Variants in ARHGEF28 observed in about 807,000 individuals in gnomAD.
ARHGEF28 encodes 190 kDa guanine nucleotide exchange factor.
In ARHGEF28, 152 loss-of-function variants were observed where a neutral mutation model predicts 206.6. The ratio of observed to expected loss-of-function variants is 0.74; its 90% CI spans 0.64 to 0.84. The LOEUF is 0.84. Among genes scored for constraint, ARHGEF28 ranks in the 40% least tolerant of loss-of-function variants. ARHGEF28 has a pLI of 0.00. For missense variants in ARHGEF28, 2,028 were observed against 2,073.2 expected (o/e 0.98, Z 0.42); for synonymous variants, 763 against 776.4 (o/e 0.98, Z 0.29).
chr5:73,807,231 C>A (rs1184756614), intron 9 of ARHGEF28, among the ~76,000 whole-genome samples: 1 of 151,984 alleles, frequency 6.6e-6, no homozygotes, highest in African/African-American at 2.4e-5. Context: ...ACCTCCAGGG[C>A]CCCTCACATC....
At chr5:73,786,448 T>TA (rs1754167679) in intron 7 of ARHGEF28, 1 of 152,232 alleles carries the variant, frequency 6.6e-6, no homozygotes, top group Non-Finnish European at 1.5e-5. Context: ...ACTGCTCGTC[T>TA]AGAGTTCTCT....
chr5:73,918,377 C>CTT (rs745918739), intron 35 of ARHGEF28, among the ~76,000 whole-genome samples: 10 of 150,314 alleles, frequency 6.7e-5, no homozygotes, highest in Admixed American at 2.0e-4. Context: ...GGTTTCCAAA[C>CTT]TTTCTTTTCC....
chr5:73,700,362 T>C (rs946257793), intron 2 of ARHGEF28, among the ~76,000 whole-genome samples: 2 of 152,220 alleles, frequency 1.3e-5, no homozygotes, highest in Admixed American at 1.3e-4. Context: ...ACTTTTCTAC[T>C]GTTTGAATTT....
chr5:73,813,926 AAG>A (rs957796181), intron 9 of ARHGEF28, among the ~76,000 whole-genome samples: 7 of 151,798 alleles, frequency 4.6e-5, no homozygotes, highest in Non-Finnish European at 8.8e-5. Flanking sequence ...AAAAAAAAAA[AAG>A]AAGGGAGTTT....
intron 2 of ARHGEF28, among the ~76,000 whole-genome samples, chr5:73,727,088 G>A (rs1002632664): frequency 1.3e-5 from 2 of 152,028 alleles, no homozygotes; most frequent in African/African-American, 4.8e-5. Flanking sequence ...TTCATTACCT[G>A]TCCTCATGTC....
intron 9 of ARHGEF28, among the ~76,000 whole-genome samples, chr5:73,815,565 A>C (rs1756152352): frequency 6.6e-6 from 1 of 152,094 alleles, no homozygotes; most frequent in Admixed American, 6.5e-5. Flanking sequence ...AACCCAGTTA[A>C]ATTTGGGTTG....
intron 2 of ARHGEF28, among the ~76,000 whole-genome samples, chr5:73,727,224 A>G (rs1750323457): frequency 6.6e-6 from 1 of 152,204 alleles, no homozygotes. Context: ...AACTGTGGGA[A>G]TACTAAGAAG....
Position 73,791,009 on chromosome 5 carries a change from G to A in ARHGEF28, c.911-3393G>A, listed in dbSNP as rs367643175. ...AGTTCAGAAGTTGTGATAAAATAGC[G>A]CCAGTATTGGAAGTGTTTCAATTAG... On this transcript the variant is annotated intron_variant, in intron 7 of 35. Coordinates refer to ENST00000513042, the MANE Select transcript of ARHGEF28 (RefSeq NM_001177693.2). 2.9e-4 allele frequency among the ~76,000 whole-genome samples: 44 copies of A among 152,284 alleles called. No homozygotes were observed. The South Asian group carries it at 9.1e-3, about 32-fold the overall frequency.
chr5:73,828,965 T>C (rs1424361040), intron 9 of ARHGEF28, among the ~76,000 whole-genome samples: 1 of 151,934 alleles, frequency 6.6e-6, no homozygotes, highest in African/African-American at 2.4e-5. Flanking sequence ...GGACTACAGG[T>C]GTGCACCACC....
chr5:73,940,512 A>G (rs948178028), intron 35 of ARHGEF28, among the ~76,000 whole-genome samples: 2 of 152,208 alleles, frequency 1.3e-5, no homozygotes, highest in African/African-American at 4.8e-5. Context: ...TGATTTACAC[A>G]TAGCTGGAGT....
chr5:73,873,312 T>C (rs1760229215), intron 22 of ARHGEF28, 66 bp downstream of exon 22: 1 of 1,517,062 alleles, frequency 6.6e-7, no homozygotes, highest in African/African-American at 1.4e-5. Context: ...ATCTGCCCTT[T>C]CATCAACAAG....
In ARHGEF28 at chr5:73,753,059, C is replaced by G. The variant is rs747410588; in HGVS notation, c.332C>G (p.Thr111Arg). 1 of 1,610,518 alleles carries G rather than the reference C, an allele frequency of 6.2e-7. No individual in the cohort carries two copies. The highest frequency in any genetic ancestry group is 1.1e-5 in the South Asian group (1 of 90,248). ...RLLVTQANRL[T>R]ACSHQTLLTP... ...CTGGTGACGCAGGCCAATCGCCTCA[C>G]AGCCTGCAGCCACCAGACCCTGCTG... Residue 111 changes from threonine (T) to arginine (R), a missense_variant, in exon 4 of 36, where the codon ACA becomes AGA. Coordinates refer to ENST00000513042, the MANE Select transcript of ARHGEF28 (RefSeq NM_001177693.2).
At chr5:73,743,288 T>A (rs1751542041) in intron 2 of ARHGEF28, among the ~76,000 whole-genome samples, 1 of 152,214 alleles carries the variant, frequency 6.6e-6, no homozygotes, top group African/African-American at 2.4e-5. Context: ...TATTACCCAA[T>A]TGTCTTTTGG....
intron 2 of ARHGEF28, among the ~76,000 whole-genome samples, chr5:73,706,788 AAAC>A (rs1163761527): frequency 6.6e-6 from 1 of 152,200 alleles, no homozygotes. Flanking sequence ...CCAGCGGGGC[AAAC>A]AACTTCCTTG....
intron 1 of ARHGEF28, among the ~76,000 whole-genome samples, chr5:73,640,040 A>G (rs1743972056): frequency 6.6e-6 from 1 of 152,224 alleles, no homozygotes. Flanking sequence ...GGAAATAGCT[A>G]GCATTCTTGA....
chr5:73,805,499 C>T (rs1471132172), intron 9 of ARHGEF28, among the ~76,000 whole-genome samples: 3 of 152,088 alleles, frequency 2.0e-5, no homozygotes, highest in Admixed American at 2.0e-4. Flanking sequence ...CTACAATAAC[C>T]ACTGTCCTTT....
intron 2 of ARHGEF28, among the ~76,000 whole-genome samples, chr5:73,690,688 AC>A (rs1747770372): frequency 6.6e-6 from 1 of 152,070 alleles, no homozygotes; most frequent in Non-Finnish European, 1.5e-5. Flanking sequence ...AGAGAGCAAT[AC>A]CCTATCTCAA....
rs137980889 is a variant in ARHGEF28 at position 73,686,067 on chromosome 5, C to T, written c.33+1183C>T. ...ATACTTCTCTGGAGGAAGACAGAGT[C>T]ATAAACCAAATTGATTCCAGAATAG... On this transcript the variant is annotated intron_variant, in intron 2 of 35. Coordinates refer to ENST00000513042, the MANE Select transcript of ARHGEF28 (RefSeq NM_001177693.2). 2.2e-3 allele frequency among the ~76,000 whole-genome samples: 342 copies of T among 152,298 alleles called. 1 individual carries two copies. The highest frequency in any genetic ancestry group is 7.9e-3 in the Admixed American group (121 of 15,294).
chr5:73,804,051 C>T (rs2112503042), intron 9 of ARHGEF28, among the ~76,000 whole-genome samples: 1 of 134,110 alleles, frequency 7.5e-6, no homozygotes, highest in South Asian at 2.4e-4. Flanking sequence ...CACCATTGCA[C>T]TCCAGCCTGG....
Sources: allele counts gnomAD v4.1 joint callset (sites outside exome capture counted in the v4.1 genomes callset), GRCh38; gene constraint gnomAD v4.1.1; transcripts MANE v1.5; gene names NCBI Gene and HGNC (gene_info 2026-07-23, HGNC 2026-07-21).